Variants in SUCLG2 observed in about 807,000 individuals in gnomAD.
The protein encoded by SUCLG2 is succinate--CoA ligase [GDP-forming] subunit beta, mitochondrial.
Under a neutral mutation model 47.9 loss-of-function variants are expected in SUCLG2, and 42 were observed. The observed-to-expected ratio is 0.88, with a 90% CI of 0.69 to 1.14. The LOEUF (loss-of-function observed/expected upper bound fraction) is 1.14, where lower values mean the gene tolerates loss of function less well. Ranked by LOEUF, SUCLG2 falls within the 50% of genes most tolerant of loss-of-function variation. The pLI is 0.00. For missense variants in SUCLG2, 571 were observed against 525.9 expected (o/e 1.09, Z -0.84); for synonymous variants, 195 against 197.3 (o/e 0.99, Z 0.10).
Position 67,360,676 on chromosome 3 carries a change from C to T in SUCLG2, c.1276G>A (p.Ala426Thr), listed in dbSNP as rs533021862. The T allele has an allele frequency of 4.0e-5, 61 of 1,521,846 alleles. 1 individual carries two copies. Among genetic ancestry groups the T allele is most frequent in the East Asian group, 7.4e-5 (3 of 40,710 alleles). 94.3% of individuals were successfully genotyped at this position (1,521,846 alleles called of 1,614,324 possible). ...GCACACTTACTCAGATTTTGGTGGG[C>T]GACGTTCTCTTGGATACCAGTTATA... is the stretch of plus-strand genomic sequence containing the variant. Residue 426 changes from alanine to threonine, a missense_variant, in exon 11 of 11, where the codon GCC becomes ACC. Physicochemically the swap from Ala to Thr is moderately conservative, Grantham distance 58. Coordinates refer to the SUCLG2 transcript ENST00000493112.
At chr3:67,453,474 G>A (rs1487388182) in intron 9 of SUCLG2, among the ~76,000 whole-genome samples, 1 of 152,058 alleles carries the variant, frequency 6.6e-6, no homozygotes, top group Non-Finnish European at 1.5e-5. Context: ...ATTTCATAAG[G>A]ACACTAATCA....
chr3:67,510,513 C>G (rs918316979), intron 6 of SUCLG2, among the ~76,000 whole-genome samples: 13 of 152,186 alleles, frequency 8.5e-5, no homozygotes, highest in African/African-American at 3.1e-4. Flanking sequence ...TAAATTTAGC[C>G]TTCATATGAG....
intron 1 of SUCLG2, among the ~76,000 whole-genome samples, chr3:67,643,091 T>C (rs1045853151): frequency 6.6e-6 from 1 of 152,204 alleles, no homozygotes; most frequent in Non-Finnish European, 1.5e-5. Flanking sequence ...TAAATGATTG[T>C]CAAATAAACA....
intron 1 of SUCLG2, among the ~76,000 whole-genome samples, chr3:67,615,625 C>CAA (rs1700613416): frequency 6.7e-6 from 1 of 150,212 alleles, no homozygotes; most frequent in Non-Finnish European, 1.5e-5. Flanking sequence ...AACACAAACA[C>CAA]ACACACACAC....
chr3:67,513,927 C>T (rs9860008), intron 6 of SUCLG2: 20,899 of 173,602 alleles, frequency 0.12, 2,195 homozygotes, highest in African/African-American at 0.28. Flanking sequence ...CAGTTGTGCG[C>T]TGCATCGCCA....
intron 2 of SUCLG2, among the ~76,000 whole-genome samples, chr3:67,580,924 A>C (rs1707864459): frequency 6.6e-6 from 1 of 152,208 alleles, no homozygotes; most frequent in Non-Finnish European, 1.5e-5. Context: ...ATCATCCTAA[A>C]TGGGTATATG....
At chr3:67,592,299 C>A (rs1407767060) in intron 2 of SUCLG2, among the ~76,000 whole-genome samples, 1 of 152,164 alleles carries the variant, frequency 6.6e-6, no homozygotes, top group Non-Finnish European at 1.5e-5. Flanking sequence ...CTGTGTTCAT[C>A]ATTATCACAT....
intron 1 of SUCLG2, among the ~76,000 whole-genome samples, chr3:67,609,810 G>A (rs926130819): frequency 3.3e-5 from 5 of 152,018 alleles, no homozygotes; most frequent in African/African-American, 1.2e-4. Context: ...AATGAATGCA[G>A]GTTTTTTAAA....
At chr3:67,420,075 T>C (rs1205601650) in intron 9 of SUCLG2, among the ~76,000 whole-genome samples, 1 of 152,206 alleles carries the variant, frequency 6.6e-6, no homozygotes, top group East Asian at 1.9e-4. Flanking sequence ...TTATTATGGT[T>C]ACACAGAAAC....
chr3:67,607,129 T>C (rs1027360100), intron 2 of SUCLG2, among the ~76,000 whole-genome samples: 1 of 152,190 alleles, frequency 6.6e-6, no homozygotes, highest in Non-Finnish European at 1.5e-5. Flanking sequence ...TTATTTTTAG[T>C]GGGAAATAAC....
intron 10 of SUCLG2, among the ~76,000 whole-genome samples, chr3:67,396,219 G>C (rs982508838): frequency 6.6e-6 from 1 of 151,902 alleles, no homozygotes; most frequent in African/African-American, 2.4e-5. Flanking sequence ...TTCAAAAAAT[G>C]AATGAAACCA....
At chr3:67,374,292 C>G (rs953262563), downstream of SUCLG2, among the ~76,000 whole-genome samples, 1 of 152,154 alleles carries the variant, frequency 6.6e-6, no homozygotes, top group Admixed American at 6.5e-5. Context: ...GACTTTCATA[C>G]TTTTGTCCAC....
At chr3:67,520,258 A>C (rs1267567069) in intron 5 of SUCLG2, among the ~76,000 whole-genome samples, 1 of 152,206 alleles carries the variant, frequency 6.6e-6, no homozygotes, top group Non-Finnish European at 1.5e-5. Flanking sequence ...AGAAGTAAAG[A>C]AGGAAGGGTG....
chr3:67,427,831 C>G (rs1318312715), intron 9 of SUCLG2, among the ~76,000 whole-genome samples: 2 of 152,220 alleles, frequency 1.3e-5, no homozygotes, highest in Non-Finnish European at 2.9e-5. Context: ...ATGCCTGGCT[C>G]AGAGGGTCCC....
intron 10 of SUCLG2, among the ~76,000 whole-genome samples, chr3:67,366,770 G>A (rs1388470364): frequency 1.3e-5 from 2 of 152,128 alleles, no homozygotes; most frequent in African/African-American, 4.8e-5. Context: ...TAGCTGCCTG[G>A]AACATGCTTT....
At chr3:67,623,433 G>A (rs865820944) in intron 1 of SUCLG2, among the ~76,000 whole-genome samples, 3 of 152,108 alleles carry the variant, frequency 2.0e-5, no homozygotes, top group Admixed American at 6.5e-5. Flanking sequence ...CCCGAGAGGC[G>A]GTGCTTGCAG....
intron 4 of SUCLG2, among the ~76,000 whole-genome samples, chr3:67,526,453 C>T (rs1298230732): frequency 6.6e-6 from 1 of 152,170 alleles, no homozygotes; most frequent in African/African-American, 2.4e-5. Context: ...CTAATCACTT[C>T]CCAAAAGGCT....
rs113714879 is a variant in SUCLG2 at position 67,633,678 on chromosome 3, G to T, written c.84+20825C>A. 5.3e-3 allele frequency among the ~76,000 whole-genome samples: 803 copies of T among 152,168 alleles called. 5 individuals are homozygous for T. Among genetic ancestry groups the T allele is most frequent in the African/African-American group, 0.018 (766 of 41,512 alleles). On this transcript the variant is annotated intron_variant, in intron 1 of 10. Transcript: ENST00000307227. Reference sequence around the variant, plus strand: ...TGTCTATGTTCAATAAGTTTACCTGGCAATAATAAAACAAAACTTTGTTAG... The same window carrying T: ...TGTCTATGTTCAATAAGTTTACCTGTCAATAATAAAACAAAACTTTGTTAG...
At chr3:67,437,959 T>A (rs147449455) in intron 9 of SUCLG2, among the ~76,000 whole-genome samples, 2,878 of 152,236 alleles carry the variant, frequency 0.019, 89 homozygotes, top group African/African-American at 0.065. Context: ...ATGGGTAGGC[T>A]TAGTGACTCA....
Sources: gnomAD v4.1 joint callset for allele counts (sites outside exome capture counted in the v4.1 genomes callset) on GRCh38, gnomAD v4.1.1 for gene constraint, MANE v1.5 for transcripts, NCBI Gene and HGNC (gene_info 2026-07-23, HGNC 2026-07-21) for gene names.